Variants in AXDND1 observed in about 807,000 individuals in gnomAD.
AXDND1 encodes axonemal dynein light chain domain-containing protein 1.
In AXDND1, 110 loss-of-function variants were observed where a neutral mutation model predicts 137.5. That is an observed-to-expected ratio of 0.80 (90% CI 0.69 to 0.94). AXDND1 has a LOEUF of 0.94. AXDND1 is among the 40% of genes least tolerant of loss of function. The probability of loss-of-function intolerance (pLI) is 0.00; values close to 1 mark genes in which losing one functional copy is unlikely to be tolerated. For synonymous variants in AXDND1, 414 were observed against 399.7 expected (o/e 1.04, Z -0.43); for missense variants, 1,191 against 1,169.8 (o/e 1.02, Z -0.26).
At chr1:179,469,077 C>A (rs1663597850) in intron 17 of AXDND1, among the ~76,000 whole-genome samples, 1 of 151,994 alleles carries the variant, frequency 6.6e-6, no homozygotes, top group Non-Finnish European at 1.5e-5. Context: ...CTACAGGCGC[C>A]TGCCACCATG....
intron 14 of AXDND1, among the ~76,000 whole-genome samples, chr1:179,431,122 C>T (rs1657304992): frequency 6.6e-6 from 1 of 151,976 alleles, no homozygotes. Flanking sequence ...GCAGTCTGGA[C>T]TAAATTTCTT....
Position 179,391,065 on chromosome 1 carries a change from C to T in AXDND1, c.864-2838C>T, listed in dbSNP as rs562314071. On this transcript the variant is annotated intron_variant, in intron 9 of 25. Transcript: ENST00000367618. ...AGGTGATCCACCCACCTCGGGCCCC[C>T]AAAGTGTTGGGATTACAGGCGTGAG... 1.7e-3 allele frequency among the ~76,000 whole-genome samples: 258 copies of T among 150,484 alleles called. 1 individual carries two copies. Among genetic ancestry groups the T allele is most frequent in the African/African-American group, 6.0e-3 (246 of 41,020 alleles).
Position 179,554,723 on chromosome 1 carries a change from C to G in AXDND1, c.*204C>G. ...TTGCATGGTGCCACCCAATAAATAT[C>G]TGTGCAATTGAAGATGGTGTGGTAT... On this transcript the variant is annotated 3_prime_UTR_variant, in exon 26 of 26. Coordinates refer to ENST00000367618, the MANE Select transcript of AXDND1 (RefSeq NM_144696.6). 1 of 706,866 alleles carries G rather than the reference C, an allele frequency of 1.4e-6. No individual in the cohort carries two copies. 43.8% of individuals were successfully genotyped at this position (706,866 alleles called of 1,614,324 possible).
At chr1:179,447,740 C>T in intron 16 of AXDND1, 1 of 1,350,818 alleles carries the variant, frequency 7.4e-7, no homozygotes, top group South Asian at 1.2e-5. Context: ...GCACCAGTAG[C>T]TCCAATCAAA....
At chr1:179,503,385 T>G (rs961347115) in intron 20 of AXDND1, among the ~76,000 whole-genome samples, 1 of 151,998 alleles carries the variant, frequency 6.6e-6, no homozygotes. Context: ...TTTAAATCTC[T>G]AGGAGATGGA....
At position 179,408,968 on chromosome 1, in the gene AXDND1, C is replaced by CTTTTTT. The variant is rs74384865; in HGVS notation, c.1110-2162_1110-2157dup. ...TAAAGTGTGTTTTCTTTTTTTCTTTCTTTTTTTTTTTTTTTTTTTTTGCCA... is the reference window on the plus strand; with the variant it reads ...TAAAGTGTGTTTTCTTTTTTTCTTTCTTTTTTTTTTTTTTTTTTTTTTTTTTTGCCA... On this transcript the variant is annotated intron_variant, in intron 11 of 25. Coordinates refer to ENST00000367618, the MANE Select transcript of AXDND1 (RefSeq NM_144696.6). 8.8e-4 allele frequency among the ~76,000 whole-genome samples: 111 copies of CTTTTTT among 126,346 alleles called. 1 individual carries two copies. Among genetic ancestry groups the CTTTTTT allele is most frequent in the African/African-American group, 1.5e-3 (50 of 32,310 alleles). 82.9% of individuals were successfully genotyped at this position (126,346 alleles called of 152,430 possible). A position where few individuals can be genotyped will look rare whatever the true frequency, so the allele number is the denominator to read the frequency against.
intron 12 of AXDND1, among the ~76,000 whole-genome samples, chr1:179,421,338 C>T (rs1049153303): frequency 1.5e-5 from 2 of 132,742 alleles, no homozygotes; most frequent in African/African-American, 3.2e-5. Flanking sequence ...TCCTTCCTTT[C>T]TTCCTTCCTT....
At chr1:179,383,055 CTA>C (rs1331603075) in intron 7 of AXDND1, among the ~76,000 whole-genome samples, 2 of 151,866 alleles carry the variant, frequency 1.3e-5, no homozygotes, top group African/African-American at 4.8e-5. Context: ...CTCCATTTTG[CTA>C]TAGTCTTTTT....
chr1:179,409,018 G>A (rs1352777826), intron 11 of AXDND1, among the ~76,000 whole-genome samples: 2 of 143,836 alleles, frequency 1.4e-5, no homozygotes, highest in African/African-American at 5.2e-5. Context: ...ATTTTGATAG[G>A]GGTTGCATTG....
At chr1:179,446,833 T>TC (rs1659800163) in intron 16 of AXDND1, among the ~76,000 whole-genome samples, 2 of 152,154 alleles carry the variant, frequency 1.3e-5, no homozygotes, top group South Asian at 4.1e-4. Context: ...CCTTTTTTTT[T>TC]TTTAAACAGA....
At chr1:179,367,052 C>G (rs958495949) in intron 2 of AXDND1, among the ~76,000 whole-genome samples, 11 of 151,796 alleles carry the variant, frequency 7.2e-5, no homozygotes, top group African/African-American at 2.7e-4. Flanking sequence ...GAAATCCCGT[C>G]TCTACTAGAA....
At chr1:179,487,393 T>C (rs1222160711) in intron 18 of AXDND1, among the ~76,000 whole-genome samples, 1 of 148,520 alleles carries the variant, frequency 6.7e-6, no homozygotes, top group Non-Finnish European at 1.5e-5. Context: ...CAAAAATTAC[T>C]CAGTTGACAT....
intron 21 of AXDND1, among the ~76,000 whole-genome samples, chr1:179,520,445 T>C (rs985939502): frequency 3.9e-5 from 6 of 152,104 alleles, no homozygotes; most frequent in African/African-American, 1.4e-4. Context: ...CTTCCTTTTA[T>C]TTATTTATTT....
chr1:179,382,674 A>G (rs1257521838), intron 6 of AXDND1, 26 bp from the exon 7 acceptor site: 1 of 1,565,014 alleles, frequency 6.4e-7, no homozygotes, highest in Admixed American at 1.7e-5. Flanking sequence ...TCTTAAAATA[A>G]CATTTACCTA....
chr1:179,517,692 A>G (rs1669673611), intron 21 of AXDND1, among the ~76,000 whole-genome samples: 1 of 152,182 alleles, frequency 6.6e-6, no homozygotes, highest in Non-Finnish European at 1.5e-5. Context: ...GTAAGGTTGG[A>G]AACTTCTCCT....
intron 25 of AXDND1, chr1:179,543,446 A>T (rs1229644797): frequency 6.6e-6 from 1 of 152,212 alleles, no homozygotes; most frequent in African/African-American, 2.4e-5. Flanking sequence ...AGTCTGAAGG[A>T]TTCAAATTGG....
chr1:179,474,350 G>C (rs1456103299), intron 17 of AXDND1, among the ~76,000 whole-genome samples: 1 of 152,180 alleles, frequency 6.6e-6, no homozygotes, highest in East Asian at 1.9e-4. Context: ...AGCCACATTG[G>C]AACTGGATAA....
At chr1:179,458,496 C>T (rs769894380) in intron 16 of AXDND1, among the ~76,000 whole-genome samples, 3 of 151,866 alleles carry the variant, frequency 2.0e-5, no homozygotes, top group Admixed American at 6.6e-5. Context: ...TAGGTGCAAA[C>T]GTTCTAAATA....
chr1:179,430,676 C>T, intron 14 of AXDND1, 70 bp downstream of exon 14: 2 of 1,483,232 alleles, frequency 1.3e-6, no homozygotes, highest in Non-Finnish European at 1.8e-6. Context: ...TCTCTGTGTT[C>T]CTCCTTCTGT....
Sources: allele counts gnomAD v4.1 joint callset (sites outside exome capture counted in the v4.1 genomes callset), GRCh38; gene constraint gnomAD v4.1.1; transcripts MANE v1.5; gene names NCBI Gene and HGNC (gene_info 2026-07-23, HGNC 2026-07-21).